Variants in ZNF106 observed in about 807,000 individuals in gnomAD.
ZNF106 encodes the protein zinc finger protein 106.
A neutral mutation model predicts 195.1 loss-of-function variants in ZNF106; 67 were observed. That is an observed-to-expected ratio of 0.34 (90% confidence interval 0.28 to 0.42). The LOEUF (loss-of-function observed/expected upper bound fraction) is 0.42. Among genes scored for constraint, ZNF106 ranks in the 10% least tolerant of loss-of-function variants. ZNF106 has a pLI of 1.00. For synonymous variants in ZNF106, 784 were observed against 818.6 expected, an observed-to-expected ratio of 0.96 and a Z score of 0.72; for missense variants, 2,118 against 2,304.5, an observed-to-expected ratio of 0.92 and a Z score of 1.66.
At chr15:42,478,329 A>G (rs1383121885) in intron 1 of ZNF106, among the ~76,000 whole-genome samples, 3 of 151,110 alleles carry the variant, frequency 2.0e-5, no homozygotes, top group African/African-American at 7.3e-5. Flanking sequence ...ATGCCCCGCT[A>G]ATTTTTGTAT....
rs1475215640 is a variant in ZNF106, at chr15:42,415,932, A to C, written c.*1372T>G. 6.6e-6 allele frequency: 1 copy of C among 152,372 alleles called. No individual in the cohort carries two copies. Among genetic ancestry groups the C allele is most frequent in the East Asian group, 1.9e-4 (1 of 5,184 alleles). 9.4% of individuals were successfully genotyped at this position (152,372 alleles called of 1,614,324 possible). A position where few individuals can be genotyped will look rare whatever the true frequency, so the allele number is the denominator to read the frequency against. On this transcript the variant is annotated 3_prime_UTR_variant, in exon 22 of 22. Transcript: ENST00000564754. ...TTTTTAGTAGAGACGGGGTTTTGCCATGTTGGCCAGGCTGGTCTGCAACTC... is the reference window on the plus strand; with the variant it reads ...TTTTTAGTAGAGACGGGGTTTTGCCCTGTTGGCCAGGCTGGTCTGCAACTC...
chr15:42,442,919 G>C (rs2055611790), intron 9 of ZNF106, among the ~76,000 whole-genome samples: 1 of 152,072 alleles, frequency 6.6e-6, no homozygotes. Context: ...GAGTAGCTGG[G>C]ATTACAGGAG....
chr15:42,478,259 G>A (rs2056826428), intron 1 of ZNF106, among the ~76,000 whole-genome samples: 1 of 152,100 alleles, frequency 6.6e-6, no homozygotes, highest in Admixed American at 6.6e-5. Flanking sequence ...TGCCTCCTGG[G>A]TTCAAGGAAT....
intron 1 of ZNF106, among the ~76,000 whole-genome samples, chr15:42,475,094 C>T (rs1375720570): frequency 6.6e-6 from 1 of 152,214 alleles, no homozygotes; most frequent in Non-Finnish European, 1.5e-5. Flanking sequence ...TGTGATTACT[C>T]GGCAGTTTTC....
chr15:42,415,798 C>T lies in ZNF106; in HGVS notation c.*1506G>A, dbSNP rs920819270. On this transcript the variant is annotated 3_prime_UTR_variant, in exon 22 of 22. Transcript: ENST00000564754. ...CTGTCACCAGGCTGGAGTGCAGTGG[C>T]ACGATCTCAGCTTACTGCAATCTCT... 6 of 162,504 alleles carry T rather than the reference C, an allele frequency of 3.7e-5. No individual in the cohort carries two copies. The highest frequency in any genetic ancestry group is 1.5e-4 in the South Asian group (1 of 6,746). 10.1% of individuals were successfully genotyped at this position (162,504 alleles called of 1,614,324 possible). A position where few individuals can be genotyped will look rare whatever the true frequency, so the allele number is the denominator to read the frequency against.
At chr15:42,453,943 C>G (rs2056139522) in intron 4 of ZNF106, among the ~76,000 whole-genome samples, 1 of 152,094 alleles carries the variant, frequency 6.6e-6, no homozygotes, top group Non-Finnish European at 1.5e-5. Context: ...ACATAACTTG[C>G]CTAGAATAAG....
At position 42,448,195 on chromosome 15, in the gene ZNF106, TGACA is replaced by T. The variant is rs2055841319; in HGVS notation, c.3008_3011del (p.Leu1003HisfsTer13). 5.0e-6 allele frequency: 8 copies of T among 1,614,218 alleles called. No homozygotes were observed. Among genetic ancestry groups the T allele is most frequent in the African/African-American group, 1.3e-5 (1 of 75,068 alleles). ...TCGCAAGGGCTGAGGATGCGCTTGATGACAGACAGTTTCCCTCTCCATTACTCTC... is the reference window on the plus strand; with the variant it reads ...TCGCAAGGGCTGAGGATGCGCTTGATGACAGTTTCCCTCTCCATTACTCTC... On this transcript the variant is annotated frameshift_variant, in exon 6 of 22. Coordinates refer to ENST00000564754, the MANE Select transcript of ZNF106 (RefSeq NM_001366845.3). LOFTEE classifies it high-confidence loss of function.
rs992310940 is a variant in ZNF106, at chr15:42,442,355, T to G, written c.3481A>C (p.Arg1161=). The stretch of plus-strand genomic sequence containing the variant: ...ATGGATGTTTGAGATCTACTGTTCC[T>G]TCGTTCTCGTGTGAGGCTACAGGGA... ...QVPCSLTRER[R]NSRSQTSIDA... The change falls in exon 10 of 22, where the codon AGG becomes CGG. Residue 1161 remains arginine (R), a synonymous_variant. Transcript: ENST00000564754. 1 of 1,614,204 alleles carries G rather than the reference T, an allele frequency of 6.2e-7. No homozygotes were observed. Among genetic ancestry groups the G allele is most frequent in the Admixed American group, 1.7e-5 (1 of 60,024 alleles).
At chr15:42,427,141 A>G (rs939364742) in intron 15 of ZNF106, among the ~76,000 whole-genome samples, 6 of 152,170 alleles carry the variant, frequency 3.9e-5, no homozygotes, top group African/African-American at 1.4e-4. Flanking sequence ...CTCTTGGATT[A>G]TATATTTCCT....
intron 1 of ZNF106, among the ~76,000 whole-genome samples, chr15:42,487,852 T>C (rs1219113726): frequency 2.0e-5 from 3 of 152,286 alleles, no homozygotes; most frequent in East Asian, 3.9e-4. Flanking sequence ...ATTTTGACTA[T>C]CCTCCACAGA....
intron 1 of ZNF106, among the ~76,000 whole-genome samples, chr15:42,482,386 T>C (rs1364825163): frequency 6.6e-6 from 1 of 152,166 alleles, no homozygotes; most frequent in Non-Finnish European, 1.5e-5. Context: ...TTGAATGTTA[T>C]ATTACAGCAA....
intron 7 of ZNF106, among the ~76,000 whole-genome samples, chr15:42,445,444 T>C (rs2055738274): frequency 6.6e-6 from 1 of 152,260 alleles, no homozygotes; most frequent in Non-Finnish European, 1.5e-5. Context: ...GAAGACTTCC[T>C]GAAGAAAATA....
intron 1 of ZNF106, among the ~76,000 whole-genome samples, chr15:42,475,341 CTG>C (rs2056762355): frequency 6.6e-6 from 1 of 152,136 alleles, no homozygotes; most frequent in Non-Finnish European, 1.5e-5. Context: ...ACTCGGGAGG[CTG>C]AGGCAGGAGA....
intron 2 of ZNF106, 45 bp from the exon 3 acceptor site, chr15:42,466,159 T>TG (rs2056512215): frequency 1.4e-6 from 2 of 1,440,912 alleles, no homozygotes; most frequent in East Asian, 2.6e-5. Context: ...AGGATTGCTT[T>TG]GAAAAAAAAA....
At chr15:42,466,551 G>A (rs897471457) in intron 2 of ZNF106, among the ~76,000 whole-genome samples, 1 of 151,998 alleles carries the variant, frequency 6.6e-6, no homozygotes, top group Non-Finnish European at 1.5e-5. Context: ...CCATGTCTTG[G>A]ACAGGGCCTA....
At chr15:42,461,565 T>TA (rs1213043315) in intron 3 of ZNF106, among the ~76,000 whole-genome samples, 1 of 152,242 alleles carries the variant, frequency 6.6e-6, no homozygotes, top group African/African-American at 2.4e-5. Flanking sequence ...AGATGTTACT[T>TA]ACGGCCCACA....
chr15:42,441,800 A>C, intron 10 of ZNF106: 1 of 265,430 alleles, frequency 3.8e-6, no homozygotes, highest in Non-Finnish European at 7.1e-6. Flanking sequence ...CAAATTTTGT[A>C]CTTATCCTAA....
intron 1 of ZNF106, among the ~76,000 whole-genome samples, chr15:42,473,506 C>G (rs546277429): frequency 8.5e-4 from 130 of 152,252 alleles, no homozygotes; most frequent in African/African-American, 3.1e-3. Context: ...ATTTTCTGTT[C>G]TCTGCCTGGA....
At chr15:42,466,492 C>T (rs2141406307) in intron 2 of ZNF106, among the ~76,000 whole-genome samples, 1 of 152,110 alleles carries the variant, frequency 6.6e-6, no homozygotes, top group South Asian at 2.1e-4. Context: ...AACTATTTGG[C>T]TTCTTTTATC....
Sources: allele counts gnomAD v4.1 joint callset (sites outside exome capture counted in the v4.1 genomes callset), GRCh38; gene constraint gnomAD v4.1.1; transcripts MANE v1.5; gene names NCBI Gene and HGNC (gene_info 2026-07-23, HGNC 2026-07-21).